STN1: variants seen among roughly 807,000 people sequenced by gnomAD.
The protein encoded by STN1 is STN1 subunit of CST complex.
A neutral mutation model predicts 45.5 loss-of-function variants in STN1; 29 were observed. That is an observed-to-expected ratio of 0.64 (90% CI 0.47 to 0.87). The LOEUF is 0.87. Ranked by LOEUF, STN1 falls within the 40% of genes least tolerant of loss-of-function variation. The pLI, the probability that STN1 is intolerant of heterozygous loss-of-function variation, is 0.00. For synonymous variants in STN1, 148 were observed against 159.0 expected, an observed-to-expected ratio of 0.93 and a Z score of 0.52; for missense variants, 376 against 441.4, an observed-to-expected ratio of 0.85 and a Z score of 1.33.
At chr10:103,901,191 T>C (rs1025364553) in intron 4 of STN1, among the ~76,000 whole-genome samples, 1 of 152,216 alleles carries the variant, frequency 6.6e-6, no homozygotes, top group Non-Finnish European at 1.5e-5. Flanking sequence ...GACTATGTAT[T>C]CTGTTTTCCT....
chr10:103,904,795 A>G (rs569610528), intron 4 of STN1, among the ~76,000 whole-genome samples: 1 of 152,192 alleles, frequency 6.6e-6, no homozygotes. Flanking sequence ...ACCTTGACTT[A>G]TGTAATAATG....
chr10:103,892,291 T>G, intron 7 of STN1, 39 bp from the exon 8 acceptor site: 3 of 1,561,488 alleles, frequency 1.9e-6, no homozygotes, highest in Non-Finnish European at 2.6e-6. Context: ...AAGAAATAAG[T>G]CTCACCTTAC....
At chr10:103,898,019 T>A (rs1260728297) in intron 6 of STN1, among the ~76,000 whole-genome samples, 1 of 152,184 alleles carries the variant, frequency 6.6e-6, no homozygotes, top group African/African-American at 2.4e-5. Context: ...TGGGTGAATA[T>A]TCATGCTTGT....
chr10:103,888,415 G>A (rs1240162631), intron 9 of STN1, among the ~76,000 whole-genome samples: 1 of 119,882 alleles, frequency 8.3e-6, no homozygotes, highest in African/African-American at 2.7e-5. Context: ...ATAGACTAAT[G>A]CTTCCTTCTC....
Position 103,882,434 on chromosome 10 carries a change from A to G in STN1, c.*250T>C, listed in dbSNP as rs1342906960. On this transcript the variant is annotated 3_prime_UTR_variant, in exon 10 of 10. Transcript: ENST00000224950. The stretch of plus-strand genomic sequence containing the variant: ...GCGAACAACGCACAGTCCAGCCAGG[A>G]GCTCAACAGGGAGGGTTTTCTTGTT... 1 of 431,962 alleles carries G rather than the reference A, an allele frequency of 2.3e-6. No homozygotes were observed. 26.8% of individuals were successfully genotyped at this position (431,962 alleles called of 1,614,324 possible). A position where few individuals can be genotyped will look rare whatever the true frequency, so the allele number is the denominator to read the frequency against.
chr10:103,882,809 A>C lies in STN1; in HGVS notation c.982T>G (p.Leu328Val). The change falls in exon 10 of 10, where the codon TTG (leucine) becomes GTG (valine). Residue 328 changes from leucine to valine, a missense_variant. Leu to Val is a conservative substitution (Grantham distance 32). Transcript: ENST00000224950. ...CGGATGCTCAGGCGAGCACAGGCCA[A>C]GATGTGCAGGAAGTGACAGCCCTTC... ...MEKGCHFLHI[L>V]ACARLSIRPG... The C allele has an allele frequency of 6.2e-7, 1 of 1,613,866 alleles. No individual in the cohort carries two copies. The highest frequency in any genetic ancestry group is 8.5e-7 in the Non-Finnish European group (1 of 1,179,876).
intron 7 of STN1, among the ~76,000 whole-genome samples, chr10:103,897,092 GT>G (rs1437216567): frequency 6.6e-6 from 1 of 152,142 alleles, no homozygotes; most frequent in East Asian, 1.9e-4. Flanking sequence ...AACCCATTGT[GT>G]TTTAGGAGTT....
intron 8 of STN1, among the ~76,000 whole-genome samples, chr10:103,890,513 C>T (rs1843133273): frequency 6.6e-6 from 1 of 152,250 alleles, no homozygotes; most frequent in African/African-American, 2.4e-5. Flanking sequence ...TTGCCCTGGA[C>T]TGCTGCTCCT....
intron 2 of STN1, among the ~76,000 whole-genome samples, chr10:103,914,354 A>T (rs1589504257): frequency 5.0e-5 from 1 of 19,838 alleles, no homozygotes; most frequent in African/African-American, 1.3e-4. Flanking sequence ...ATATATATAT[A>T]TATATATATA....
chr10:103,904,552 C>A (rs1457921636), intron 4 of STN1, among the ~76,000 whole-genome samples: 1 of 151,836 alleles, frequency 6.6e-6, no homozygotes. Flanking sequence ...TTTTAAAGTT[C>A]TTTTAATTTA....
intron 9 of STN1, among the ~76,000 whole-genome samples, chr10:103,883,829 C>A (rs1199713102): frequency 1.3e-5 from 2 of 152,086 alleles, no homozygotes; most frequent in Non-Finnish European, 2.9e-5. Flanking sequence ...GTGGCTCACG[C>A]CTATAATCCC....
chr10:103,911,536 G>A (rs1320756836), intron 2 of STN1, among the ~76,000 whole-genome samples: 1 of 151,998 alleles, frequency 6.6e-6, no homozygotes, highest in Non-Finnish European at 1.5e-5. Context: ...CTTTCATATG[G>A]TGATTTCCTT....
intron 3 of STN1, among the ~76,000 whole-genome samples, chr10:103,907,267 A>C (rs1012413791): frequency 6.6e-6 from 1 of 152,264 alleles, no homozygotes; most frequent in Non-Finnish European, 1.5e-5. Context: ...GAAATACCTA[A>C]ATGTTTATAA....
rs1437125917 is a variant in STN1 at position 103,879,099 on chromosome 10, CCTA to C, written c.*3582_*3584del. The C allele has an allele frequency of 2.6e-5, 4 of 152,312 alleles. No individual in the cohort carries two copies. Among genetic ancestry groups the C allele is most frequent in the African/African-American group, 7.2e-5 (3 of 41,438 alleles). The allele number at this position is 152,312 out of a possible 1,614,324, so 9.4% of individuals were successfully genotyped here. A position where few individuals can be genotyped will look rare whatever the true frequency, so the allele number is the denominator to read the frequency against. On this transcript the variant is annotated 3_prime_UTR_variant, in exon 10 of 10. Coordinates refer to ENST00000224950, the MANE Select transcript of STN1 (RefSeq NM_024928.5). ...TTCTGAGCACTTCCAGCCTGCACAGCCTACTAAGACATGTGAGAAAGCACCCCC... is the reference window on the plus strand; with the variant it reads ...TTCTGAGCACTTCCAGCCTGCACAGCCTAAGACATGTGAGAAAGCACCCCC...
chr10:103,899,813 A>G (rs1236438664), intron 5 of STN1: 1 of 410,292 alleles, frequency 2.4e-6, no homozygotes, highest in Non-Finnish European at 4.3e-6. Context: ...ATGTCATCCA[A>G]ATAAACTTGC....
At chr10:103,892,481 T>TC (rs1480162343) in intron 7 of STN1, among the ~76,000 whole-genome samples, 1 of 151,930 alleles carries the variant, frequency 6.6e-6, no homozygotes, top group Non-Finnish European at 1.5e-5. Flanking sequence ...GTTGTGATTT[T>TC]TTTTTTTTTA....
intron 2 of STN1, among the ~76,000 whole-genome samples, chr10:103,916,827 A>G (rs981459281): frequency 6.6e-6 from 1 of 151,940 alleles, no homozygotes; most frequent in African/African-American, 2.4e-5. Flanking sequence ...CTTTACATGT[A>G]TAATGCCTTG....
chr10:103,909,432 A>ATGTATATATG (rs1843270045), intron 3 of STN1, among the ~76,000 whole-genome samples: 1 of 59,206 alleles, frequency 1.7e-5, no homozygotes, highest in Non-Finnish European at 3.6e-5. Flanking sequence ...ATGTATATAT[A>ATGTATATATG]TGTATATATA....
rs1396407578 is a variant in STN1 at position 103,899,018 on chromosome 10, A to G, written c.458-18T>C. On this transcript the variant is annotated intron_variant, in intron 5 of 9. Transcript: ENST00000224950. ...CACTTTATCTAACAAGTGACCAGAA[A>G]AAAGATGCTACAGAAATTACAAATT... 1 of 1,613,170 alleles carries G rather than the reference A, an allele frequency of 6.2e-7. No homozygotes were observed.
Sources: gnomAD v4.1 joint callset for allele counts (sites outside exome capture counted in the v4.1 genomes callset) on GRCh38, gnomAD v4.1.1 for gene constraint, MANE v1.5 for transcripts, NCBI Gene and HGNC (gene_info 2026-07-23, HGNC 2026-07-21) for gene names.